The following PDE9A variants were observed in gnomAD, a reference collection of about 807,000 sequenced individuals.
PDE9A encodes phosphodiesterase 9A, also known as high affinity cGMP-specific 3',5'-cyclic phosphodiesterase 9A.
Under a neutral mutation model 87.4 loss-of-function variants are expected in PDE9A, and 60 were observed. The ratio of observed to expected loss-of-function variants is 0.69; its 90% CI spans 0.56 to 0.85. The LOEUF (loss-of-function observed/expected upper bound fraction) is 0.85, where lower values mean the gene tolerates loss of function less well. Ranked by LOEUF, PDE9A falls within the 40% of genes least tolerant of loss-of-function variation. PDE9A has a pLI of 0.00. For synonymous variants in PDE9A, 272 were observed against 279.4 expected, an observed-to-expected ratio of 0.97 and a Z score of 0.27; for missense variants, 665 against 779.0, an observed-to-expected ratio of 0.85 and a Z score of 1.74.
At chr21:42,720,016 T>A (rs1044020845) in intron 4 of PDE9A, among the ~76,000 whole-genome samples, 5 of 152,120 alleles carry the variant, frequency 3.3e-5, no homozygotes, top group Non-Finnish European at 5.9e-5. Flanking sequence ...TGAGCCAGAG[T>A]TGATTTCCTT....
intron 9 of PDE9A, 84 bp downstream of exon 9, chr21:42,751,281 G>C (rs781284715): frequency 1.2e-5 from 12 of 984,740 alleles, no homozygotes; most frequent in Middle Eastern, 2.2e-4. Flanking sequence ...GCCAGACCCT[G>C]CTGTGTGTAC....
rs371434386 is a variant in PDE9A at position 42,710,718 on chromosome 21, T to C, written c.262+11707T>C. On this transcript the variant is annotated intron_variant, in intron 4 of 19. Coordinates refer to ENST00000291539, the MANE Select transcript of PDE9A (RefSeq NM_002606.3). ...AATACTTTGCTCAGGCCAGGTCCGGTGGCTCACGCCTGTAATCCTAGCTCT... is the reference window on the plus strand; with the variant it reads ...AATACTTTGCTCAGGCCAGGTCCGGCGGCTCACGCCTGTAATCCTAGCTCT... 1.2e-4 allele frequency among the ~76,000 whole-genome samples: 19 copies of C among 152,374 alleles called. No individual in the cohort carries two copies. The South Asian group carries it at 1.9e-3, about 15-fold the overall frequency.
intron 1 of PDE9A, among the ~76,000 whole-genome samples, chr21:42,670,042 C>T (rs1481336357): frequency 1.3e-5 from 2 of 149,958 alleles, no homozygotes; most frequent in Non-Finnish European, 2.9e-5. Flanking sequence ...GTTTCACCTT[C>T]ACACACACAC....
chr21:42,716,747 C>CTTTTTT lies in PDE9A; in HGVS notation c.263-15007_263-15002dup, dbSNP rs60104683. On this transcript the variant is annotated intron_variant, in intron 4 of 19. Transcript: ENST00000291539. ...CCCCATAATACAATATTATAATTTC[C>CTTTTTT]TTTTTTTTTTTTTTTTTTTTTGAGA... Among the ~76,000 whole-genome samples, 791 of 94,242 alleles carry CTTTTTT rather than the reference C, an allele frequency of 8.4e-3. 15 individuals carry two copies. The highest frequency in any genetic ancestry group is 0.016 in the East Asian group (42 of 2,616). The allele number at this position is 94,242 out of a possible 152,430, so 61.8% of individuals were successfully genotyped here.
rs775071217 is a variant in PDE9A, at chr21:42,775,306, G to T, written c.*13G>T. 4 of 1,609,488 alleles carry T rather than the reference G, an allele frequency of 2.5e-6. No individual in the cohort carries two copies. The highest frequency in any genetic ancestry group is 3.4e-5 in the Admixed American group (2 of 59,404). ...AGACTGTGCCTGAGGAAAGCGGGGG[G>T]CGTGGCTGCAGTTCTGGACGGGCTG... is the stretch of plus-strand genomic sequence containing the variant. On this transcript the variant is annotated 3_prime_UTR_variant, in exon 20 of 20. Coordinates refer to ENST00000291539, the MANE Select transcript of PDE9A (RefSeq NM_002606.3).
In PDE9A at chr21:42,760,418, C is replaced by T. The variant is rs1462907636; in HGVS notation, c.988C>T (p.Leu330Phe). The change falls in exon 12 of 20, where the codon CTC becomes TTC. Residue 330 changes from leucine (L) to phenylalanine (F), a missense_variant. Leu to Phe is a conservative substitution (Grantham distance 22). Transcript: ENST00000291539. This position sits in a 1 kb window ranked among gnomAD's most constrained non-coding sequence, Gnocchi z 5.2. ...CCAGATGATGTACAGCATGGTCTGGCTCTGCAGTCTCCAGGTGGGTCCTGC... is the reference window on the plus strand; with the variant it reads ...CCAGATGATGTACAGCATGGTCTGGTTCTGCAGTCTCCAGGTGGGTCCTGC... ...VAQMMYSMVW[L>F]CSLQEKFSQT... 6.3e-7 allele frequency: 1 copy of T among 1,598,694 alleles called. No homozygotes were observed. Among genetic ancestry groups the T allele is most frequent in the Admixed American group, 1.7e-5 (1 of 59,986 alleles).
At chr21:42,709,316 G>A (rs1284869934) in intron 4 of PDE9A, among the ~76,000 whole-genome samples, 2 of 152,136 alleles carry the variant, frequency 1.3e-5, no homozygotes, top group African/African-American at 4.8e-5. Context: ...GGTTGGGGGA[G>A]GGAGAGCATC....
At chr21:42,706,489 A>G (rs1371947252) in intron 4 of PDE9A, among the ~76,000 whole-genome samples, 2 of 152,132 alleles carry the variant, frequency 1.3e-5, no homozygotes, top group Non-Finnish European at 2.9e-5. Context: ...TACTAAAAAT[A>G]CAAAAATTAG....
In PDE9A at chr21:42,740,762, T is replaced by C. The variant is rs55897978; in HGVS notation, c.569-3014T>C. On this transcript the variant is annotated intron_variant, in intron 7 of 19. Coordinates refer to ENST00000291539, the MANE Select transcript of PDE9A (RefSeq NM_002606.3). ...TAGATAGATAGATAAACAGGATAGATAGATAGATAGATAGATAGATAGATA... is the reference window on the plus strand; with the variant it reads ...TAGATAGATAGATAAACAGGATAGACAGATAGATAGATAGATAGATAGATA... 1.5e-3 allele frequency among the ~76,000 whole-genome samples: 214 copies of C among 143,858 alleles called. 1 individual carries two copies. Among genetic ancestry groups the C allele is most frequent in the African/African-American group, 4.3e-3 (160 of 37,484 alleles). 94.4% of individuals were successfully genotyped at this position (143,858 alleles called of 152,430 possible). A position where few individuals can be genotyped will look rare whatever the true frequency, so the allele number is the denominator to read the frequency against.
At chr21:42,713,294 C>A (rs2049515396) in intron 4 of PDE9A, among the ~76,000 whole-genome samples, 1 of 152,124 alleles carries the variant, frequency 6.6e-6, no homozygotes, top group Non-Finnish European at 1.5e-5. Flanking sequence ...ACCACCACAC[C>A]AGATAATTTT....
chr21:42,752,582 A>G (rs572071770), intron 9 of PDE9A, among the ~76,000 whole-genome samples: 1 of 152,302 alleles, frequency 6.6e-6, no homozygotes, highest in South Asian at 2.1e-4. Flanking sequence ...AGATTTTTGA[A>G]TGGAGACTAG....
In PDE9A at chr21:42,695,643, C is replaced by A. The variant is rs2060104764; in HGVS notation, c.219-3325C>A. ...CCATTCTGGCTTAGAGAAAAGCTTT[C>A]TATATTCCAGAATGGCTCCAGGCCT... On this transcript the variant is annotated intron_variant, in intron 3 of 19. Coordinates refer to ENST00000291539, the MANE Select transcript of PDE9A (RefSeq NM_002606.3). The surrounding 1 kb of genome is among the most constrained non-coding windows in gnomAD (Gnocchi z 4.3). Among the ~76,000 whole-genome samples the A allele has an allele frequency of 6.6e-6, 1 of 152,208 alleles. No individual in the cohort carries two copies. The highest frequency in any genetic ancestry group is 2.4e-5 in the African/African-American group (1 of 41,450).
At chr21:42,754,085 C>A in intron 10 of PDE9A, 21 bp downstream of exon 10, 2 of 1,555,808 alleles carry the variant, frequency 1.3e-6, no homozygotes, top group Non-Finnish European at 1.8e-6. Context: ...GGCTTGCAGG[C>A]ACCACGTCCC....
intron 3 of PDE9A, chr21:42,689,788 C>T (rs901192523): frequency 1.0e-6 from 1 of 985,330 alleles, no homozygotes; most frequent in Non-Finnish European, 1.2e-6. Context: ...AAAATGCATG[C>T]CTTTCTGATA....
chr21:42,668,744 C>T (rs1269596845), intron 1 of PDE9A, among the ~76,000 whole-genome samples: 2 of 152,174 alleles, frequency 1.3e-5, no homozygotes, highest in African/African-American at 4.8e-5. Context: ...GATGCCGGCG[C>T]GGGGGAAATG....
intron 1 of PDE9A, 82 bp downstream of exon 1, chr21:42,653,965 G>C (rs1204143421): frequency 1.3e-6 from 1 of 784,874 alleles, no homozygotes; most frequent in Non-Finnish European, 2.0e-6. Flanking sequence ...GGGACTGTCC[G>C]TGCGTCTGCC....
At position 42,772,464 on chromosome 21, in the gene PDE9A, C is replaced by G; in HGVS notation, c.1712C>G (p.Thr571Arg). The G allele has an allele frequency of 6.2e-7, 1 of 1,603,130 alleles. No homozygotes were observed. Among genetic ancestry groups the G allele is most frequent in the East Asian group, 2.2e-5 (1 of 44,510 alleles). Residue 571 changes from threonine (T) to arginine (R), a missense_variant, in exon 19 of 20, where the codon ACG becomes AGG. Thr to Arg is a moderately conservative substitution (Grantham distance 71). Transcript: ENST00000291539. Reference sequence around the variant, plus strand: ...TTACAGAAGAAGACTGACAGCTTGACGTCTGGGGCCACCGAGAAGTCCAGA... The same window carrying G: ...TTACAGAAGAAGACTGACAGCTTGAGGTCTGGGGCCACCGAGAAGTCCAGA... Reference protein sequence around the residue: ...KELQKKTDSLTSGATEKSRER... With the variant: ...KELQKKTDSLRSGATEKSRER...
In PDE9A at chr21:42,769,622, ATG is replaced by A. The variant is rs2056804487; in HGVS notation, c.1590+468_1590+469del. Among the ~76,000 whole-genome samples, 2 of 142,306 alleles carry A rather than the reference ATG, an allele frequency of 1.4e-5. 1 individual carries two copies. Among genetic ancestry groups the A allele is most frequent in the African/African-American group, 5.4e-5 (2 of 36,980 alleles). The allele number at this position is 142,306 out of a possible 152,430, so 93.4% of individuals were successfully genotyped here. On this transcript the variant is annotated intron_variant, in intron 17 of 19. Transcript: ENST00000291539. ...CACACAAATGCACATGCAGGTACAC[ATG>A]CACACACAGGCACACACAGGGACAC...
At chr21:42,753,276 GATTACA>G (rs2054623698) in intron 9 of PDE9A, among the ~76,000 whole-genome samples, 1 of 152,172 alleles carries the variant, frequency 6.6e-6, no homozygotes, top group Non-Finnish European at 1.5e-5. Context: ...AAAGCACTGG[GATTACA>G]AGCATGAGCC....
Sources: allele counts gnomAD v4.1 joint callset (sites outside exome capture counted in the v4.1 genomes callset), GRCh38; gene constraint gnomAD v4.1.1; non-coding constraint Gnocchi (gnomAD v3.1); transcripts MANE v1.5; gene names NCBI Gene and HGNC (gene_info 2026-07-23, HGNC 2026-07-21).